CEP85: variants seen among roughly 807,000 people sequenced by gnomAD.
CEP85 encodes centrosomal protein of 85 kDa.
A neutral mutation model predicts 93.7 loss-of-function variants in CEP85; 58 were observed. The ratio of observed to expected loss-of-function variants is 0.62; its 90% CI spans 0.50 to 0.77. CEP85 has a LOEUF of 0.77. Ranked by LOEUF, CEP85 falls within the 30% of genes least tolerant of loss-of-function variation. CEP85 has a pLI of 0.00. For missense variants in CEP85, 868 were observed against 922.0 expected, an observed-to-expected ratio of 0.94 and a Z score of 0.76; for synonymous variants, 314 against 338.6, an observed-to-expected ratio of 0.93 and a Z score of 0.80.
At chr1:26,251,703 C>G (rs1227670382) in intron 3 of CEP85, among the ~76,000 whole-genome samples, 2 of 152,186 alleles carry the variant, frequency 1.3e-5, no homozygotes, top group African/African-American at 4.8e-5. Context: ...AACACATGAA[C>G]TTTTGGGGGA....
chr1:26,240,620 C>T (rs919551376), intron 2 of CEP85, among the ~76,000 whole-genome samples: 6 of 152,090 alleles, frequency 3.9e-5, no homozygotes, highest in South Asian at 2.1e-4. Flanking sequence ...TATGGCCAGG[C>T]GCTGTGGCTC....
chr1:26,257,657 G>A lies in CEP85; in HGVS notation c.964G>A (p.Glu322Lys). The change falls in exon 5 of 14, where the codon GAG (glutamate) becomes AAG (lysine). Residue 322 changes from glutamate (E) to lysine (K), a missense_variant. Coordinates refer to ENST00000451429, the MANE Select transcript of CEP85 (RefSeq NM_001319944.2). ...AAFGPSLPILEPAQWISILNS... is the reference protein window; with the variant it reads ...AAFGPSLPILKPAQWISILNS... ...TTTTGGTCCTTCACTGCCCATCTTAGAGCCAGCACAGTGGATCAGCATCTT... is the reference window on the plus strand; with the variant it reads ...TTTTGGTCCTTCACTGCCCATCTTAAAGCCAGCACAGTGGATCAGCATCTT... 1 of 1,614,204 alleles carries A rather than the reference G, an allele frequency of 6.2e-7. No individual in the cohort carries two copies. Among genetic ancestry groups the A allele is most frequent in the Non-Finnish European group, 8.5e-7 (1 of 1,180,036 alleles).
At chr1:26,237,999 A>G (rs2089353447) in intron 1 of CEP85, among the ~76,000 whole-genome samples, 1 of 151,790 alleles carries the variant, frequency 6.6e-6, no homozygotes, top group African/African-American at 2.4e-5. Context: ...AAGAACTGGA[A>G]TTGTGGAGGA....
At chr1:26,275,468 G>T (rs1471794025) in intron 12 of CEP85, among the ~76,000 whole-genome samples, 1 of 151,972 alleles carries the variant, frequency 6.6e-6, no homozygotes, top group African/African-American at 2.4e-5. Flanking sequence ...TTTAGTTGAG[G>T]TGGGGTTTCA....
Position 26,276,572 on chromosome 1 carries a change from T to C in CEP85, c.1940T>C (p.Leu647Pro), listed in dbSNP as rs1451402038. The change falls in exon 13 of 14, where the codon CTG becomes CCG. Residue 647 changes from leucine (L) to proline (P), a missense_variant. By Grantham distance (98) the Leu-to-Pro change is moderately conservative (BLOSUM62 -3). Coordinates refer to ENST00000451429, the MANE Select transcript of CEP85 (RefSeq NM_001319944.2). The stretch of plus-strand genomic sequence containing the variant: ...AACCAGGACTTGATTGAGAAGAATC[T>C]GACACTCCAGGAACACCTGCGCCAG... ...VQNQDLIEKN[L>P]TLQEHLRQAQ... The C allele has an allele frequency of 6.2e-7, 1 of 1,614,234 alleles. No individual in the cohort carries two copies. The highest frequency in any genetic ancestry group is 8.5e-7 in the Non-Finnish European group (1 of 1,180,034).
chr1:26,234,513 T>C lies in CEP85; in HGVS notation c.-23+203T>C, dbSNP rs369962063. On this transcript the variant is annotated intron_variant, in intron 1 of 13. Coordinates refer to ENST00000451429, the MANE Select transcript of CEP85 (RefSeq NM_001319944.2). ...CCCCTCGCTTCCCCCGTTGCCTTGC[T>C]TTGCCGTCCGTGGTTCACCCCACGG... 3.9e-5 allele frequency among the ~76,000 whole-genome samples: 6 copies of C among 152,298 alleles called. No homozygotes were observed. In the East Asian group the frequency reaches 9.7e-4, roughly 25 times the overall value.
In CEP85 at chr1:26,257,550, C is replaced by T. The variant is rs368654210; in HGVS notation, c.904-47C>T. On this transcript the variant is annotated intron_variant, in intron 4 of 13. Coordinates refer to ENST00000451429, the MANE Select transcript of CEP85 (RefSeq NM_001319944.2). ...TGATTACTGCTCAGGTGTTTTCAGGCGTGTATGGGTCAAGATCAAGCTCAT... is the reference window on the plus strand; with the variant it reads ...TGATTACTGCTCAGGTGTTTTCAGGTGTGTATGGGTCAAGATCAAGCTCAT... 98 of 1,607,112 alleles carry T rather than the reference C, an allele frequency of 6.1e-5. 3 individuals are homozygous for T. In the African/African-American group the frequency reaches 6.7e-4, roughly 11 times the overall value.
chr1:26,259,879 C>A, intron 7 of CEP85, 77 bp downstream of exon 7: 1 of 1,267,064 alleles, frequency 7.9e-7, no homozygotes, highest in Non-Finnish European at 1.1e-6. Flanking sequence ...TAAGCTGTTT[C>A]TGGCCTGGAA....
At chr1:26,271,929 GC>G (rs2089980420) in intron 10 of CEP85, 91 bp from the exon 11 acceptor site, 4 of 1,051,880 alleles carry the variant, frequency 3.8e-6, no homozygotes, top group Non-Finnish European at 5.9e-6. Flanking sequence ...TGGTCTAATA[GC>G]CAGACCACAT....
At chr1:26,237,634 A>G (rs1407683194) in intron 1 of CEP85, among the ~76,000 whole-genome samples, 1 of 152,178 alleles carries the variant, frequency 6.6e-6, no homozygotes, top group Non-Finnish European at 1.5e-5. Flanking sequence ...GCTATTGTAA[A>G]TAATGCTGCT....
chr1:26,246,724 G>A (rs574274316), intron 3 of CEP85, among the ~76,000 whole-genome samples: 42 of 113,178 alleles, frequency 3.7e-4, no homozygotes, highest in Middle Eastern at 4.8e-3. Context: ...GTGAGACTCC[G>A]TCTTTAAAAA....
intron 7 of CEP85, among the ~76,000 whole-genome samples, chr1:26,265,666 C>T (rs1360975301): frequency 2.0e-5 from 3 of 152,184 alleles, no homozygotes; most frequent in Non-Finnish European, 4.4e-5. Flanking sequence ...TTCAGAGGCT[C>T]TTGAGAATTG....
Position 26,255,545 on chromosome 1 carries a change from G to C in CEP85, c.583G>C (p.Glu195Gln), listed in dbSNP as rs772159240. The stretch of plus-strand genomic sequence containing the variant: ...TACCCTCAATCAGTCGGCAATGATG[G>C]AGACACTTTATTCAGATCCTCACCA... ...ESTLNQSAMMETLYSDPHHRV... is the reference protein window; with the variant it reads ...ESTLNQSAMMQTLYSDPHHRV... The change falls in exon 4 of 14, where the codon GAG (glutamate) becomes CAG (glutamine). Residue 195 changes from glutamate to glutamine, a missense_variant. Glu to Gln is a conservative substitution (Grantham distance 29). Coordinates refer to ENST00000451429, the MANE Select transcript of CEP85 (RefSeq NM_001319944.2). 5 of 1,614,008 alleles carry C rather than the reference G, an allele frequency of 3.1e-6. No homozygotes were observed. In the Admixed American group the frequency reaches 5.0e-5, roughly 16 times the overall value.
At chr1:26,258,036 T>G in intron 5 of CEP85, 107 bp from the exon 6 acceptor site, 1 of 773,870 alleles carries the variant, frequency 1.3e-6, no homozygotes, top group Non-Finnish European at 2.2e-6. Context: ...AATAGTGATA[T>G]CCAGAATCTA....
rs77255712 is a variant in CEP85 at position 26,270,953 on chromosome 1, C to G, written c.1650-61C>G. 890 of 1,029,660 alleles carry G rather than the reference C, an allele frequency of 8.6e-4. 3 individuals are homozygous for G. The African/African-American group carries it at 0.011, about 13-fold the overall frequency. 63.8% of individuals were successfully genotyped at this position (1,029,660 alleles called of 1,614,324 possible). ...TCAAAATGTGCAATAAGTAGCAGAA[C>G]CAAGAATCAAAGCCACTTGTGTCTA... On this transcript the variant is annotated intron_variant, in intron 9 of 13. Transcript: ENST00000451429.
intron 6 of CEP85, 56 bp downstream of exon 6, chr1:26,258,316 A>G (rs920183682): frequency 2.7e-6 from 3 of 1,108,358 alleles, no homozygotes; most frequent in Non-Finnish European, 4.2e-6. Flanking sequence ...TGTCTTCCCT[A>G]TGCTTGACAC....
chr1:26,269,696 T>C, intron 9 of CEP85, 82 bp downstream of exon 9: 1 of 1,105,986 alleles, frequency 9.0e-7, no homozygotes, highest in Non-Finnish European at 1.3e-6. Context: ...TGTGTGACTT[T>C]GGGTGATTTG....
rs527951736 is a variant in CEP85 at position 26,252,156 on chromosome 1, A to G, written c.209-3015A>G. On this transcript the variant is annotated intron_variant, in intron 3 of 13. Coordinates refer to ENST00000451429, the MANE Select transcript of CEP85 (RefSeq NM_001319944.2). The stretch of plus-strand genomic sequence containing the variant: ...TGAGGCAGAAGAGTCGCTTGAACCC[A>G]GGAGGCAGAGGTTGCGGTGAGCCAA... Among the ~76,000 whole-genome samples, 7 of 152,186 alleles carry G rather than the reference A, an allele frequency of 4.6e-5. No homozygotes were observed. The South Asian group carries it at 1.5e-3, about 32-fold the overall frequency.
intron 2 of CEP85, among the ~76,000 whole-genome samples, chr1:26,242,730 G>GT (rs1445411942): frequency 6.6e-6 from 1 of 152,140 alleles, no homozygotes; most frequent in Non-Finnish European, 1.5e-5. Flanking sequence ...CTGTAGAACC[G>GT]TATTTTCTGA....
Sources: allele counts gnomAD v4.1 joint callset (sites outside exome capture counted in the v4.1 genomes callset), GRCh38; gene constraint gnomAD v4.1.1; transcripts MANE v1.5; gene names NCBI Gene and HGNC (gene_info 2026-07-23, HGNC 2026-07-21).